The following FLI1 variants were observed in gnomAD, a reference collection of about 807,000 sequenced individuals.
The protein encoded by FLI1 is Friend leukemia integration 1 transcription factor.
In FLI1, 13 loss-of-function variants were observed where a neutral mutation model predicts 53.1. That is an observed-to-expected ratio of 0.24 (90% CI 0.16 to 0.39). The LOEUF is 0.39. Among genes scored for constraint, FLI1 ranks in the 10% least tolerant of loss-of-function variants. The probability of loss-of-function intolerance (pLI) is 1.00; values close to 1 mark genes in which losing one functional copy is unlikely to be tolerated. For synonymous variants in FLI1, 244 were observed against 236.7 expected (o/e 1.03, Z -0.28); for missense variants, 424 against 600.5 (o/e 0.71, Z 3.07).
In FLI1 at chr11:128,772,028, C is replaced by CCA. The variant is rs57703345; in HGVS notation, c.386-705_386-704dup. ...TTGTGCTGAAAGTGCAACATCCCCA[C>CCA]CACACACACACACACACACACACAC... On this transcript the variant is annotated intron_variant, in intron 3 of 8. Transcript: ENST00000527786. 1.8e-3 allele frequency among the ~76,000 whole-genome samples: 253 copies of CCA among 139,130 alleles called. 1 individual carries two copies. The highest frequency in any genetic ancestry group is 3.7e-3 in the Middle Eastern group (1 of 272). 91.3% of individuals were successfully genotyped at this position (139,130 alleles called of 152,430 possible).
chr11:128,696,931 G>A (rs1033359467), intron 1 of FLI1, among the ~76,000 whole-genome samples: 2 of 152,134 alleles, frequency 1.3e-5, no homozygotes, highest in African/African-American at 4.8e-5. Context: ...ACAACTCTAT[G>A]TGATTACAAA....
upstream of FLI1, chr11:128,691,728 G>C (rs1937745962): frequency 6.6e-6 from 1 of 152,534 alleles, no homozygotes; most frequent in Non-Finnish European, 1.5e-5. Context: ...AATAATTCCA[G>C]TGGGGGAGGC....
intron 3 of FLI1, among the ~76,000 whole-genome samples, chr11:128,769,218 C>T (rs1283579890): frequency 6.6e-6 from 1 of 152,188 alleles, no homozygotes; most frequent in Non-Finnish European, 1.5e-5. Flanking sequence ...CCAGCAAGCT[C>T]AGCTGCCTGC....
intron 1 of FLI1, among the ~76,000 whole-genome samples, chr11:128,745,842 C>A (rs2135784331): frequency 6.6e-6 from 1 of 152,222 alleles, no homozygotes; most frequent in South Asian, 2.1e-4. Context: ...GGGAGTGAAG[C>A]CCCCCCATAT....
At chr11:128,760,876 C>G in intron 2 of FLI1, among the ~76,000 whole-genome samples, 1 of 152,096 alleles carries the variant, frequency 6.6e-6, no homozygotes, top group African/African-American at 2.4e-5. Flanking sequence ...TACTCCTTAC[C>G]TCCACTGCCC....
upstream of FLI1, chr11:128,686,169 G>C: frequency 2.8e-6 from 1 of 360,164 alleles, no homozygotes. Context: ...ACTGAGGGGC[G>C]AGTGTTGGCA....
intron 2 of FLI1, 58 bp from the exon 3 acceptor site, chr11:128,768,060 G>C: frequency 6.7e-7 from 1 of 1,496,406 alleles, no homozygotes; most frequent in Non-Finnish European, 9.0e-7. Flanking sequence ...TTCAGAGGCT[G>C]AGGCAAGCTG....
At chr11:128,789,036 C>A (rs1190171547) in intron 5 of FLI1, among the ~76,000 whole-genome samples, 2 of 152,128 alleles carry the variant, frequency 1.3e-5, no homozygotes, top group Non-Finnish European at 2.9e-5. Flanking sequence ...GTGTGGATGT[C>A]CTTTATGATT....
chr11:128,782,164 C>T (rs570297565), intron 5 of FLI1, 141 bp downstream of exon 5: 36 of 695,314 alleles, frequency 5.2e-5, no homozygotes, highest in East Asian at 2.6e-4. Context: ...CCAAAATTTT[C>T]GCCACTTGTG....
At chr11:128,795,720 T>G (rs1942420788) in intron 5 of FLI1, among the ~76,000 whole-genome samples, 1 of 151,986 alleles carries the variant, frequency 6.6e-6, no homozygotes, top group South Asian at 2.1e-4. Flanking sequence ...CCAACTAATT[T>G]TTTGTATTTT....
At chr11:128,728,307 G>A (rs1345398438) in intron 1 of FLI1, among the ~76,000 whole-genome samples, 2 of 152,232 alleles carry the variant, frequency 1.3e-5, no homozygotes, top group Admixed American at 1.3e-4. Flanking sequence ...GAACTATCTG[G>A]CAGAGGCTGT....
intron 1 of FLI1, among the ~76,000 whole-genome samples, chr11:128,720,122 A>G (rs1591751571): frequency 6.6e-6 from 1 of 152,214 alleles, no homozygotes; most frequent in Admixed American, 6.5e-5. Context: ...TTATAATGCA[A>G]ATATATAGAC....
intron 1 of FLI1, among the ~76,000 whole-genome samples, chr11:128,698,733 T>TGTGTGTGTGTGA (rs766077047): frequency 0.018 from 2,446 of 133,716 alleles, 32 homozygotes; most frequent in African/African-American, 0.045. Context: ...TGTGTGTGTG[T>TGTGTGTGTGTGA]GAGAGAGAGA....
rs1387719769 is a variant in FLI1, at chr11:128,810,069, G to A, written c.830-390G>A. On this transcript the variant is annotated intron_variant, in intron 8 of 8. Coordinates refer to ENST00000527786, the MANE Select transcript of FLI1 (RefSeq NM_002017.5). The surrounding 1 kb of genome is among the most constrained non-coding windows in gnomAD (Gnocchi z 6.6). ...TGACAGGGAATTCCCTGGGGGACAT[G>A]ACCACTAATTAGAGATCAGTCAGTG... Among the ~76,000 whole-genome samples the A allele has an allele frequency of 6.6e-6, 1 of 152,004 alleles. No homozygotes were observed.
chr11:128,764,890 G>A (rs2135824303), intron 2 of FLI1: 3 of 1,516,180 alleles, frequency 2.0e-6, no homozygotes, highest in South Asian at 1.2e-5. Flanking sequence ...TGGGGAACCA[G>A]GATGGTGCCA....
chr11:128,722,011 T>C (rs572909900), intron 1 of FLI1, among the ~76,000 whole-genome samples: 1 of 152,170 alleles, frequency 6.6e-6, no homozygotes, highest in East Asian at 1.9e-4. Context: ...CTGCAGCTGG[T>C]CTTAGAGGGA....
At chr11:128,799,854 G>A (rs962242573) in intron 5 of FLI1, among the ~76,000 whole-genome samples, 2 of 152,190 alleles carry the variant, frequency 1.3e-5, no homozygotes, top group Admixed American at 6.5e-5. Context: ...GGCTGGGAGA[G>A]GCTGCTCCTC....
intron 6 of FLI1, chr11:128,806,424 A>C (rs953560089): frequency 6.6e-6 from 1 of 152,236 alleles, no homozygotes; most frequent in African/African-American, 2.4e-5. Flanking sequence ...TGAGCTTGGC[A>C]TGTCTGACAG....
chr11:128,690,723 CTTGGAAACATGTGGT>C (rs1937704969), upstream of FLI1, among the ~76,000 whole-genome samples: 1 of 152,210 alleles, frequency 6.6e-6, no homozygotes, highest in African/African-American at 2.4e-5. Context: ...TGACCCCAGA[CTTGGAAACATGTGGT>C]GGGCTGTTTT....
Sources: gnomAD v4.1 joint callset for allele counts (sites outside exome capture counted in the v4.1 genomes callset) on GRCh38, gnomAD v4.1.1 for gene constraint, Gnocchi (gnomAD v3.1) non-coding constraint, MANE v1.5 for transcripts, NCBI Gene and HGNC (gene_info 2026-07-23, HGNC 2026-07-21) for gene names.